TRAM1: variants seen among roughly 807,000 people sequenced by gnomAD.
TRAM1 encodes the protein translocating chain-associated membrane protein 1.
A neutral mutation model predicts 48.7 loss-of-function variants in TRAM1; 17 were observed. The observed-to-expected ratio is 0.35, with a 90% CI of 0.24 to 0.52. The LOEUF is 0.52. Among genes scored for constraint, TRAM1 ranks in the 20% least tolerant of loss-of-function variants. TRAM1 has a pLI of 0.94. For synonymous variants in TRAM1, 182 were observed against 154.0 expected (o/e 1.18, Z -1.34); for missense variants, 351 against 441.5 (o/e 0.79, Z 1.84).
At position 70,598,165 on chromosome 8, in the gene TRAM1, A is replaced by G; in HGVS notation, c.278T>C (p.Ile93Thr). ...CATATACTCTTGAATTACGGCATGA[A>G]TAATTATCGCCACTAGCATGTAGAA... Reference protein sequence around the residue: ...VFFYMLVAIIIHAVIQEYMLD... With the variant: ...VFFYMLVAIITHAVIQEYMLD... Residue 93 changes from isoleucine (I) to threonine (T), a missense_variant, in exon 3 of 11, where the codon ATT becomes ACT. Transcript: ENST00000262213. 6.2e-7 allele frequency: 1 copy of G among 1,613,134 alleles called. No homozygotes were observed. The highest frequency in any genetic ancestry group is 8.5e-7 in the Non-Finnish European group (1 of 1,179,548).
chr8:70,574,961 G>A lies in TRAM1; in HGVS notation c.1096C>T (p.Pro366Ser), dbSNP rs551558581. 1.4e-5 allele frequency: 22 copies of A among 1,610,482 alleles called. No individual in the cohort carries two copies. In the South Asian group the frequency reaches 2.4e-4, roughly 18 times the overall value. ...GTLTSNVADS[P>S]RNKKEKSS is the part of the protein sequence containing the mutation. ...GAAGATTTCTCTTTTTTATTCCGGGGAGAGTCTGCTACATTTGAAGTTAAT... is the reference window on the plus strand; with the variant it reads ...GAAGATTTCTCTTTTTTATTCCGGGAAGAGTCTGCTACATTTGAAGTTAAT... The change falls in exon 11 of 11, where the codon CCC (proline) becomes TCC (serine). Residue 366 changes from proline (P) to serine (S), a missense_variant. Transcript: ENST00000262213.
chr8:70,583,529 A>G lies in TRAM1; in HGVS notation c.890+121T>C, dbSNP rs1817129457. 2.8e-6 allele frequency: 4 copies of G among 1,406,194 alleles called. No individual in the cohort carries two copies. In the Admixed American group the frequency reaches 1.0e-4, roughly 36 times the overall value. 87.1% of individuals were successfully genotyped at this position (1,406,194 alleles called of 1,614,324 possible). On this transcript the variant is annotated intron_variant, in intron 9 of 10. Coordinates refer to ENST00000262213, the MANE Select transcript of TRAM1 (RefSeq NM_014294.6). ...TAAAATAGCAACGGGTATGAAATAA[A>G]ATCAAATGAGTATTTTCCCCAACCT...
In TRAM1 at chr8:70,574,273, T is replaced by C. The variant is rs2132018983; in HGVS notation, c.*659A>G. On this transcript the variant is annotated 3_prime_UTR_variant, in exon 11 of 11. Transcript: ENST00000262213. ...CACAAGAAAGATTTTACTTCACAAG[T>C]ACTTTTAAGAATATACTTTGATTTA... 1 of 408,042 alleles carries C rather than the reference T, an allele frequency of 2.5e-6. No homozygotes were observed. The highest frequency in any genetic ancestry group is 1.8e-5 in the South Asian group (1 of 54,942). 25.3% of individuals were successfully genotyped at this position (408,042 alleles called of 1,614,324 possible). A position where few individuals can be genotyped will look rare whatever the true frequency, so the allele number is the denominator to read the frequency against.
Position 70,583,289 on chromosome 8 carries a change from G to A in TRAM1, c.926C>T (p.Ala309Val). Residue 309 changes from alanine (A) to valine (V), a missense_variant, in exon 10 of 11, where the codon GCA (alanine) becomes GTA (valine). By Grantham distance (64) the Ala-to-Val change is moderately conservative. Coordinates refer to ENST00000262213, the MANE Select transcript of TRAM1 (RefSeq NM_014294.6). Reference protein sequence around the residue: ...AVLASICVTQAFMMWKFINFQ... With the variant: ...AVLASICVTQVFMMWKFINFQ... ...ATTAATGAACTTCCACATCATAAATGCCTGAGTAACGCAAATGGATGCCAG... is the reference window on the plus strand; with the variant it reads ...ATTAATGAACTTCCACATCATAAATACCTGAGTAACGCAAATGGATGCCAG... The A allele has an allele frequency of 3.1e-6, 5 of 1,613,858 alleles. No homozygotes were observed. The highest frequency in any genetic ancestry group is 4.2e-6 in the Non-Finnish European group (5 of 1,179,940).
At chr8:70,607,174 G>C (rs978325196) in intron 1 of TRAM1, 4 of 985,326 alleles carry the variant, frequency 4.1e-6, no homozygotes, top group Non-Finnish European at 4.8e-6. Flanking sequence ...GAAAAACGTA[G>C]GATGTTACTC....
At chr8:70,607,798 G>C in intron 1 of TRAM1, 3 of 257,178 alleles carry the variant, frequency 1.2e-5, no homozygotes, top group Non-Finnish European at 2.2e-5. Flanking sequence ...CTGCGGGAGG[G>C]GGCGGCGGCG....
chr8:70,580,645 A>C (rs1417632391), intron 10 of TRAM1, among the ~76,000 whole-genome samples: 1 of 152,074 alleles, frequency 6.6e-6, no homozygotes, highest in African/African-American at 2.4e-5. Flanking sequence ...CAAAAACAAG[A>C]CAAGGATGTC....
intron 1 of TRAM1, chr8:70,607,516 T>C: frequency 1.0e-6 from 1 of 984,324 alleles, no homozygotes; most frequent in Non-Finnish European, 1.2e-6. Flanking sequence ...GACTCCGGTT[T>C]CTCGCTCACC....
At chr8:70,593,534 A>C (rs1466157617) in intron 6 of TRAM1, among the ~76,000 whole-genome samples, 1 of 151,690 alleles carries the variant, frequency 6.6e-6, no homozygotes, top group African/African-American at 2.4e-5. Context: ...ATCCCTCTTC[A>C]CTTTCCTTCA....
chr8:70,593,505 T>C (rs2132037216), intron 6 of TRAM1, among the ~76,000 whole-genome samples: 1 of 150,094 alleles, frequency 6.7e-6, no homozygotes, highest in East Asian at 2.0e-4. Context: ...TAATAAACGA[T>C]CAAACTTGTT....
chr8:70,583,172 T>C lies in TRAM1; in HGVS notation c.1043A>G (p.Lys348Arg). The stretch of plus-strand genomic sequence containing the variant: ...GCTTACTGAATACAAACCTGTTCCT[T>C]TTTTAGAAGATCTGCCTTTAGTTAC... ...PTVTKGRSSKKGTENGVNGTL... is the reference protein window; with the variant it reads ...PTVTKGRSSKRGTENGVNGTL... The change falls in exon 10 of 11, where the codon AAA becomes AGA. Residue 348 changes from lysine (K) to arginine (R), a missense_variant. Coordinates refer to ENST00000262213, the MANE Select transcript of TRAM1 (RefSeq NM_014294.6). 6.2e-7 allele frequency: 1 copy of C among 1,613,278 alleles called. No homozygotes were observed. The highest frequency in any genetic ancestry group is 8.5e-7 in the Non-Finnish European group (1 of 1,179,802).
At chr8:70,597,775 G>A (rs1586763212) in intron 4 of TRAM1, 120 bp downstream of exon 4, 2 of 573,248 alleles carry the variant, frequency 3.5e-6, no homozygotes, top group East Asian at 3.8e-5. Context: ...AATTTTTGCT[G>A]TATAAAAAAA....
chr8:70,597,860 G>T, intron 4 of TRAM1, 35 bp downstream of exon 4: 1 of 1,449,310 alleles, frequency 6.9e-7, no homozygotes, highest in Non-Finnish European at 9.4e-7. Context: ...TCTTAGATAA[G>T]GAAGGAGAAC....
chr8:70,575,571 T>A (rs1205953369), intron 10 of TRAM1, among the ~76,000 whole-genome samples: 1 of 152,004 alleles, frequency 6.6e-6, no homozygotes, highest in Non-Finnish European at 1.5e-5. Context: ...TACAGGCATG[T>A]GCCACCACAC....
rs1162775977 is a variant in TRAM1, at chr8:70,600,277, C to T, written c.124-195G>A. Among the ~76,000 whole-genome samples, 5 of 152,162 alleles carry T rather than the reference C, an allele frequency of 3.3e-5. 1 individual carries two copies. The highest frequency in any genetic ancestry group is 6.8e-3 in the Middle Eastern group (2 of 294). On this transcript the variant is annotated intron_variant, in intron 1 of 10. Transcript: ENST00000262213. ...TGTAATTCACTAGAGTACTCTTCTG[C>T]GGTTTAGGTAAAATTGTGTAATTCA...
rs1419073838 is a variant in TRAM1, at chr8:70,583,052, A to G, written c.1051+112T>C. The G allele has an allele frequency of 5.8e-6, 7 of 1,207,978 alleles. No individual in the cohort carries two copies. In the East Asian group the frequency reaches 7.7e-5, roughly 13 times the overall value. The allele number at this position is 1,207,978 out of a possible 1,614,324, so 74.8% of individuals were successfully genotyped here. ...TTTGCCTCTAATTTTGTTGAAAAGCAGAATAGTATTTTCTTTATAAGACAC... is the reference window on the plus strand; with the variant it reads ...TTTGCCTCTAATTTTGTTGAAAAGCGGAATAGTATTTTCTTTATAAGACAC... On this transcript the variant is annotated intron_variant, in intron 10 of 10. Coordinates refer to ENST00000262213, the MANE Select transcript of TRAM1 (RefSeq NM_014294.6).
chr8:70,603,405 TAAG>T (rs1263040296), intron 1 of TRAM1, among the ~76,000 whole-genome samples: 3 of 152,048 alleles, frequency 2.0e-5, no homozygotes, highest in African/African-American at 7.2e-5. Flanking sequence ...CTGTCACACC[TAAG>T]AACACTTTGT....
At position 70,596,257 on chromosome 8, in the gene TRAM1, A is replaced by G; in HGVS notation, c.485+6T>C. 1 of 1,568,520 alleles carries G rather than the reference A, an allele frequency of 6.4e-7. No individual in the cohort carries two copies. Among genetic ancestry groups the G allele is most frequent in the Non-Finnish European group, 8.6e-7 (1 of 1,163,434 alleles). On this transcript the variant is annotated splice_donor_region_variant and intron_variant, in intron 5 of 10. Coordinates refer to ENST00000262213, the MANE Select transcript of TRAM1 (RefSeq NM_014294.6). ...AACAAAGAAAGGGCTGCTAAAAATG[A>G]CTTACGTCATCAGGTTATGGGGATA...
chr8:70,600,623 G>A (rs949476439), intron 1 of TRAM1, among the ~76,000 whole-genome samples: 3 of 152,150 alleles, frequency 2.0e-5, no homozygotes, highest in African/African-American at 7.2e-5. Context: ...ATCTTTACAG[G>A]CACCAGGCAA....
Sources: gnomAD v4.1 joint callset for allele counts (sites outside exome capture counted in the v4.1 genomes callset) on GRCh38, gnomAD v4.1.1 for gene constraint, MANE v1.5 for transcripts, NCBI Gene and HGNC (gene_info 2026-07-23, HGNC 2026-07-21) for gene names.